Variants in SIRT5 observed in about 807,000 individuals in gnomAD.
The protein encoded by SIRT5 is sirtuin 5, also known as NAD-dependent protein deacylase sirtuin-5, mitochondrial.
Under a neutral mutation model 40.0 loss-of-function variants are expected in SIRT5, and 26 were observed. The ratio of observed to expected loss-of-function variants is 0.65; its 90% CI spans 0.48 to 0.90. The LOEUF (loss-of-function observed/expected upper bound fraction) is 0.90. Among genes scored for constraint, SIRT5 ranks in the 40% least tolerant of loss-of-function variants. SIRT5 has a pLI of 0.00. For synonymous variants in SIRT5, 146 were observed against 149.1 expected (o/e 0.98, Z 0.15); for missense variants, 401 against 402.4 (o/e 1.00, Z 0.03).
At chr6:13,599,944 A>G (rs1762139940) in intron 8 of SIRT5, among the ~76,000 whole-genome samples, 1 of 152,348 alleles carries the variant, frequency 6.6e-6, no homozygotes, top group South Asian at 2.1e-4. Flanking sequence ...GTTCCATATC[A>G]ATATGTCTAA....
chr6:13,610,590 C>T (rs975784591), intron 9 of SIRT5, among the ~76,000 whole-genome samples: 5 of 152,034 alleles, frequency 3.3e-5, no homozygotes, highest in African/African-American at 4.8e-5. Flanking sequence ...TTTTGTAAGG[C>T]GGAAGAAGGC....
intron 1 of SIRT5, among the ~76,000 whole-genome samples, chr6:13,576,284 T>G (rs985890459): frequency 6.6e-6 from 1 of 152,212 alleles, no homozygotes; most frequent in African/African-American, 2.4e-5. Flanking sequence ...TGTACCAGGG[T>G]TCCCTTTTCT....
At chr6:13,579,071 T>G (rs1184184027) in intron 1 of SIRT5, among the ~76,000 whole-genome samples, 1 of 152,202 alleles carries the variant, frequency 6.6e-6, no homozygotes, top group Admixed American at 6.5e-5. Context: ...CTTGTCACCC[T>G]TCTGACATTG....
At chr6:13,604,893 A>G (rs1175208669) in intron 9 of SIRT5, 4 of 1,009,272 alleles carry the variant, frequency 4.0e-6, no homozygotes, top group Non-Finnish European at 4.7e-6. Flanking sequence ...ATTCTTATCA[A>G]TTTGGCAAGC....
intron 9 of SIRT5, chr6:13,605,212 C>T (rs201545150): frequency 3.1e-6 from 3 of 957,890 alleles, no homozygotes; most frequent in African/African-American, 1.8e-5. Context: ...ATTTGCCCAC[C>T]ACCTGTATCT....
chr6:13,575,934 A>C (rs1384401111), intron 1 of SIRT5, among the ~76,000 whole-genome samples: 2 of 152,134 alleles, frequency 1.3e-5, no homozygotes, highest in Non-Finnish European at 2.9e-5. Flanking sequence ...GGCTTATTTT[A>C]CTTGGCCTCA....
At chr6:13,594,480 T>C (rs1258987297) in intron 5 of SIRT5, among the ~76,000 whole-genome samples, 1 of 152,188 alleles carries the variant, frequency 6.6e-6, no homozygotes, top group Non-Finnish European at 1.5e-5. Context: ...AATTGATCTG[T>C]CTCCACGCGC....
At position 13,607,105 on chromosome 6, in the gene SIRT5, GA is replaced by G. The variant is rs199555897; in HGVS notation, c.858-4684del. ...CTCGTGTTCCCCAAATACCCCTGAA[GA>G]TACGAATGACTCCAGCCCTTATTTT... On this transcript the variant is annotated intron_variant, in intron 9 of 9. Transcript: ENST00000606117. The surrounding 1 kb of genome is among the most constrained non-coding windows in gnomAD (Gnocchi z 4.0). Among the ~76,000 whole-genome samples the G allele has an allele frequency of 2.3e-3, 348 of 151,518 alleles. No homozygotes were observed. The highest frequency in any genetic ancestry group is 7.9e-3 in the African/African-American group (327 of 41,280).
chr6:13,593,782 A>G (rs138350990), intron 5 of SIRT5, among the ~76,000 whole-genome samples: 170 of 152,312 alleles, frequency 1.1e-3, no homozygotes, highest in Non-Finnish European at 1.7e-3. Flanking sequence ...AAACTTAGAC[A>G]CGTTCTTTAG....
chr6:13,580,590 T>C (rs1759212381), intron 2 of SIRT5, among the ~76,000 whole-genome samples: 1 of 152,144 alleles, frequency 6.6e-6, no homozygotes, highest in African/African-American at 2.4e-5. Flanking sequence ...AATGCTTCTC[T>C]GTCTCTCTTT....
chr6:13,592,551 C>T (rs908072941), intron 5 of SIRT5, among the ~76,000 whole-genome samples: 1 of 152,174 alleles, frequency 6.6e-6, no homozygotes, highest in Non-Finnish European at 1.5e-5. Context: ...CCCACCAAGC[C>T]TGTGATGTCG....
chr6:13,582,024 A>G (rs1203359804), intron 2 of SIRT5, among the ~76,000 whole-genome samples: 3 of 152,116 alleles, frequency 2.0e-5, no homozygotes, highest in Non-Finnish European at 2.9e-5. Flanking sequence ...CCTCTCCCCA[A>G]CATGATCTAA....
intron 6 of SIRT5, among the ~76,000 whole-genome samples, chr6:13,596,254 T>C (rs915055239): frequency 6.6e-6 from 1 of 152,176 alleles, no homozygotes; most frequent in Admixed American, 6.5e-5. Context: ...ATTATGAACA[T>C]GTACTATTAT....
At chr6:13,598,970 C>G in intron 7 of SIRT5, 62 bp from the exon 8 acceptor site, 1 of 1,589,212 alleles carries the variant, frequency 6.3e-7, no homozygotes, top group Non-Finnish European at 8.6e-7. Flanking sequence ...AGCCCCTGGC[C>G]TCCCTCCGAT....
chr6:13,604,613 C>G (rs1158393910), intron 9 of SIRT5: 1 of 1,494,190 alleles, frequency 6.7e-7, no homozygotes, highest in Non-Finnish European at 8.9e-7. Flanking sequence ...TTAGAGTTGG[C>G]CCCCACCTCC....
chr6:13,610,513 CCTCT>C (rs1263498317), intron 9 of SIRT5, among the ~76,000 whole-genome samples: 6 of 152,148 alleles, frequency 3.9e-5, no homozygotes, highest in Admixed American at 2.6e-4. Flanking sequence ...TTTCACACTC[CCTCT>C]ATTTCACACT....
rs370115414 is a variant in SIRT5, at chr6:13,605,407, G to GA, written c.857+4468dup. Reference sequence around the variant, plus strand: ...TCTAACCCCTGCTCTAGGTTACGGAGAAAAAAAAAATGGAATAATGTTCTC... The same window carrying GA: ...TCTAACCCCTGCTCTAGGTTACGGAGAAAAAAAAAAATGGAATAATGTTCTC... On this transcript the variant is annotated intron_variant, in intron 9 of 9. Coordinates refer to ENST00000606117, the MANE Select transcript of SIRT5 (RefSeq NM_012241.5). 1.9e-3 allele frequency: 1,657 copies of GA among 878,804 alleles called. 2 individuals are homozygous for GA. Among genetic ancestry groups the GA allele is most frequent in the African/African-American group, 2.3e-3 (123 of 54,558 alleles). The allele number at this position is 878,804 out of a possible 1,614,324, so 54.4% of individuals were successfully genotyped here.
chr6:13,611,942 G>T lies in SIRT5; in HGVS notation c.*77G>T. On this transcript the variant is annotated 3_prime_UTR_variant, in exon 10 of 10. Transcript: ENST00000606117. ...CAGAGGAGAAATGGTCTTATGGGTGGTGAGCTGAGTACTGAACAATCTAAA... is the reference window on the plus strand; with the variant it reads ...CAGAGGAGAAATGGTCTTATGGGTGTTGAGCTGAGTACTGAACAATCTAAA... 4 of 1,375,826 alleles carry T rather than the reference G, an allele frequency of 2.9e-6. No homozygotes were observed. In the South Asian group the frequency reaches 4.7e-5, roughly 16 times the overall value. The allele number at this position is 1,375,826 out of a possible 1,614,324, so 85.2% of individuals were successfully genotyped here.
chr6:13,598,892 C>T, intron 7 of SIRT5, 140 bp from the exon 8 acceptor site: 1 of 788,816 alleles, frequency 1.3e-6, no homozygotes. Flanking sequence ...TTTATATAGG[C>T]TGGGAGGGAG....
Sources: allele counts gnomAD v4.1 joint callset (sites outside exome capture counted in the v4.1 genomes callset), GRCh38; gene constraint gnomAD v4.1.1; non-coding constraint Gnocchi (gnomAD v3.1); transcripts MANE v1.5; gene names NCBI Gene and HGNC (gene_info 2026-07-23, HGNC 2026-07-21).